Variants in MMP26 observed in about 807,000 individuals in gnomAD.
MMP26 encodes the protein matrix metalloproteinase-26.
In MMP26, 33 loss-of-function variants were observed where a neutral mutation model predicts 31.0. The observed-to-expected ratio is 1.06, with a 90% CI of 0.81 to 1.42. The LOEUF (loss-of-function observed/expected upper bound fraction) is 1.42. Among genes scored for constraint, MMP26 ranks in the 40% most tolerant of loss-of-function variants. The pLI is 0.00. For synonymous variants in MMP26, 122 were observed against 114.9 expected, an observed-to-expected ratio of 1.06 and a Z score of -0.40; for missense variants, 347 against 316.1, an observed-to-expected ratio of 1.10 and a Z score of -0.74.
At chr11:4,943,968 T>C in intron 2 of MMP26, 1 of 409,020 alleles carries the variant, frequency 2.4e-6, no homozygotes, top group Non-Finnish European at 4.8e-6. Context: ...ACTCCTCATC[T>C]TTTTAGTGGA....
intron 2 of MMP26, among the ~76,000 whole-genome samples, chr11:4,856,516 A>C (rs1400036378): frequency 6.6e-6 from 1 of 152,238 alleles, no homozygotes; most frequent in Non-Finnish European, 1.5e-5. Context: ...CAACAAGAAG[A>C]GCTAACTGTC....
intron 2 of MMP26, chr11:4,942,963 C>T (rs2595995): frequency 0.83 from 126,888 of 152,154 alleles, 53,074 homozygotes; most frequent in Middle Eastern, 0.91. Context: ...AACTAAGATG[C>T]TTAGGTTGTA....
intron 2 of MMP26, among the ~76,000 whole-genome samples, chr11:4,858,062 G>A (rs1007069785): frequency 7.2e-5 from 11 of 152,086 alleles, no homozygotes; most frequent in East Asian, 3.8e-4. Context: ...ACTAGGTGTC[G>A]ATGGGACGTA....
At chr11:4,881,009 G>A (rs906652726) in intron 2 of MMP26, among the ~76,000 whole-genome samples, 4 of 152,106 alleles carry the variant, frequency 2.6e-5, no homozygotes, top group Non-Finnish European at 4.4e-5. Context: ...ATATGAATGG[G>A]CAGATGCTAC....
intron 2 of MMP26, among the ~76,000 whole-genome samples, chr11:4,788,095 G>T (rs1230472094): frequency 6.6e-6 from 1 of 152,088 alleles, no homozygotes; most frequent in Non-Finnish European, 1.5e-5. Context: ...AGGATACATG[G>T]ATATCCAGTT....
At chr11:4,760,289 T>G (rs994315999) in intron 1 of MMP26, among the ~76,000 whole-genome samples, 6 of 152,202 alleles carry the variant, frequency 3.9e-5, no homozygotes, top group Non-Finnish European at 8.8e-5. Context: ...TTAATTTATT[T>G]ACCTCTTTAT....
At chr11:4,719,377 C>G (rs1435044913) in intron 1 of MMP26, 1 of 153,476 alleles carries the variant, frequency 6.5e-6, no homozygotes, top group Non-Finnish European at 1.5e-5. Flanking sequence ...ATTTTACATT[C>G]CATTGATCAC....
Position 4,989,839 on chromosome 11 carries a change from C to T in MMP26, c.291C>T (p.Cys97=). The T allele has an allele frequency of 6.2e-7, 1 of 1,611,052 alleles. No individual in the cohort carries two copies. Among genetic ancestry groups the T allele is most frequent in the Non-Finnish European group, 8.5e-7 (1 of 1,179,986 alleles). The change falls in exon 4 of 8, where the codon TGC becomes TGT. Residue 97 remains cysteine, a synonymous_variant. Transcript: ENST00000380390. ...ACACCTCCATCTCGCCAGGAAGATG[C>T]AAGTGGAATAAGCACACTCTAACTT... The part of the protein sequence containing the change: ...GSDTSISPGR[C]KWNKHTLTYR...
At chr11:4,886,119 G>T (rs552915014) in intron 2 of MMP26, among the ~76,000 whole-genome samples, 4 of 151,844 alleles carry the variant, frequency 2.6e-5, no homozygotes, top group Non-Finnish European at 4.4e-5. Context: ...TAACACTTCC[G>T]TAACCCTTGA....
At position 4,923,546 on chromosome 11, in the gene MMP26, C is replaced by T. The variant is rs144368692; in HGVS notation, c.-144-64522C>T. Reference sequence around the variant, plus strand: ...AACGCGGGGCAGATGTTCACCAAAGCGATGCACAAGAGACAAGCCAATCAT... The same window carrying T: ...AACGCGGGGCAGATGTTCACCAAAGTGATGCACAAGAGACAAGCCAATCAT... On this transcript the variant is annotated intron_variant, in intron 2 of 7. Coordinates refer to ENST00000380390, the MANE Select transcript of MMP26 (RefSeq NM_021801.5). 3.7e-5 allele frequency: 59 copies of T among 1,613,818 alleles called. 1 individual carries two copies. Among genetic ancestry groups the T allele is most frequent in the African/African-American group, 1.2e-4 (9 of 74,822 alleles).
At chr11:4,779,181 G>T (rs1368816652) in intron 2 of MMP26, among the ~76,000 whole-genome samples, 1 of 151,964 alleles carries the variant, frequency 6.6e-6, no homozygotes. Context: ...ATTATCCTGT[G>T]ACCAAATGCA....
chr11:4,792,600 A>G (rs1478750027), intron 2 of MMP26, among the ~76,000 whole-genome samples: 4 of 152,204 alleles, frequency 2.6e-5, no homozygotes, highest in Non-Finnish European at 5.9e-5. Context: ...CACACCCCTC[A>G]GTAGAATGCA....
In MMP26 at chr11:4,707,869, A is replaced by G. The variant is rs978046254; in HGVS notation, c.-217+2824A>G. Among the ~76,000 whole-genome samples the G allele has an allele frequency of 3.9e-5, 6 of 152,286 alleles. 1 individual carries two copies. Among genetic ancestry groups the G allele is most frequent in the Admixed American group, 6.5e-5 (1 of 15,296 alleles). On this transcript the variant is annotated intron_variant, in intron 1 of 7. Transcript: ENST00000380390. Reference sequence around the variant, plus strand: ...GGCTCTGAGATCGTAGGTCTGAGAAAAAATGGTCCTTATATTTTCCTGGGA... The same window carrying G: ...GGCTCTGAGATCGTAGGTCTGAGAAGAAATGGTCCTTATATTTTCCTGGGA...
chr11:4,809,851 T>G (rs1849326060), intron 2 of MMP26, among the ~76,000 whole-genome samples: 1 of 152,304 alleles, frequency 6.6e-6, no homozygotes, highest in African/African-American at 2.4e-5. Flanking sequence ...CTATGACTCC[T>G]AATGCTTTCT....
chr11:4,898,821 CTCTCTCTCTCTGTGTG>C (rs1818867799), intron 2 of MMP26, among the ~76,000 whole-genome samples: 1 of 47,992 alleles, frequency 2.1e-5, no homozygotes, highest in Non-Finnish European at 3.9e-5. Flanking sequence ...CTCTCTCTCT[CTCTCTCTCTCTGTGTG>C]TGTGTGTGTG....
rs375283809 is a variant in MMP26, at chr11:4,933,988, C to G, written c.-144-54080C>G. 3.1e-3 allele frequency among the ~76,000 whole-genome samples: 448 copies of G among 144,172 alleles called. 3 individuals are homozygous for G. The highest frequency in any genetic ancestry group is 8.1e-3 in the African/African-American group (315 of 38,928). 94.6% of individuals were successfully genotyped at this position (144,172 alleles called of 152,430 possible). ...CAGTCTATCATTGTTGGACATTTGG[C>G]TTGGTTCCAAGTCTTTGCTATTGTG... On this transcript the variant is annotated intron_variant, in intron 2 of 7. Transcript: ENST00000380390.
chr11:4,818,829 T>C (rs1206532963), intron 2 of MMP26, among the ~76,000 whole-genome samples: 3 of 152,162 alleles, frequency 2.0e-5, no homozygotes, highest in Non-Finnish European at 4.4e-5. Context: ...TTTCATTTTA[T>C]ATTATTATAT....
chr11:4,792,697 T>C (rs1433912), intron 2 of MMP26, among the ~76,000 whole-genome samples: 51,403 of 151,966 alleles, frequency 0.34, 9,240 homozygotes, highest in Middle Eastern at 0.48. Context: ...AATCCTATTG[T>C]CTGGGTAGAA....
At chr11:4,915,285 G>C in intron 2 of MMP26, 1 of 1,613,932 alleles carries the variant, frequency 6.2e-7, no homozygotes, top group Non-Finnish European at 8.5e-7. Flanking sequence ...GCCACAAAGC[G>C]GTCAAAGGCC....
Sources: allele counts gnomAD v4.1 joint callset (sites outside exome capture counted in the v4.1 genomes callset), GRCh38; gene constraint gnomAD v4.1.1; transcripts MANE v1.5; gene names NCBI Gene and HGNC (gene_info 2026-07-23, HGNC 2026-07-21).